The following BTLA variants were observed in gnomAD, a reference collection of about 807,000 sequenced individuals.
The protein encoded by BTLA is B- and T-lymphocyte attenuator.
A neutral mutation model predicts 25.0 loss-of-function variants in BTLA; 11 were observed. The ratio of observed to expected loss-of-function variants is 0.44; its 90% CI spans 0.28 to 0.73. BTLA has a LOEUF of 0.73. Among genes scored for constraint, BTLA ranks in the 30% least tolerant of loss-of-function variants. The probability of loss-of-function intolerance (pLI) is 0.15; values close to 1 mark genes in which losing one functional copy is unlikely to be tolerated. For missense variants in BTLA, 282 were observed against 332.8 expected, an observed-to-expected ratio of 0.85 and a Z score of 1.19; for synonymous variants, 104 against 119.8, an observed-to-expected ratio of 0.87 and a Z score of 0.86.
chr3:112,466,330 G>C lies in BTLA; in HGVS notation c.648C>G (p.Ser216=). 1.2e-6 allele frequency: 2 copies of C among 1,613,344 alleles called. No homozygotes were observed. The highest frequency in any genetic ancestry group is 1.7e-6 in the Non-Finnish European group (2 of 1,179,638). Residue 216 remains serine (S), a synonymous_variant, in exon 5 of 5, where the codon TCC becomes TCG. Coordinates refer to ENST00000334529, the MANE Select transcript of BTLA (RefSeq NM_181780.4). The part of the protein sequence containing the change: ...EQTEASTRQN[S]QVLLSETGIY... ...TTCCAGTTTCTGATAGCAGTACTTGGGAATTTTGCCTGGTGCTTGCTTCTG... is the reference window on the plus strand; with the variant it reads ...TTCCAGTTTCTGATAGCAGTACTTGCGAATTTTGCCTGGTGCTTGCTTCTG...
chr3:112,464,113 A>G lies in BTLA; in HGVS notation c.*1995T>C, dbSNP rs1043552472. 8 of 397,920 alleles carry G rather than the reference A, an allele frequency of 2.0e-5. No homozygotes were observed. Among genetic ancestry groups the G allele is most frequent in the African/African-American group, 1.6e-4 (8 of 48,622 alleles). 24.6% of individuals were successfully genotyped at this position (397,920 alleles called of 1,614,324 possible). A position where few individuals can be genotyped will look rare whatever the true frequency, so the allele number is the denominator to read the frequency against. On this transcript the variant is annotated 3_prime_UTR_variant, in exon 5 of 5. Transcript: ENST00000334529. ...AAATAAGCCATGTAAATAATAGTGA[A>G]GTAGAGTCATTTGGGAAAATGCATG...
intron 2 of BTLA, among the ~76,000 whole-genome samples, chr3:112,473,493 T>C (rs1484700969): frequency 6.6e-6 from 1 of 152,092 alleles, no homozygotes; most frequent in Non-Finnish European, 1.5e-5. Context: ...AGAGGCACAT[T>C]CAGCAGGTGC....
chr3:112,471,428 T>G, intron 2 of BTLA, 73 bp from the exon 3 acceptor site: 1 of 1,470,048 alleles, frequency 6.8e-7, no homozygotes. Flanking sequence ...CCCCTCTGCA[T>G]TGTCAGAACT....
intron 1 of BTLA, among the ~76,000 whole-genome samples, chr3:112,487,090 G>C (rs527968688): frequency 6.6e-6 from 1 of 152,264 alleles, no homozygotes; most frequent in East Asian, 1.9e-4. Context: ...CTGTATAACT[G>C]GGAAGTTCTC....
At chr3:112,490,354 T>C (rs1421386933) in intron 1 of BTLA, among the ~76,000 whole-genome samples, 1 of 152,182 alleles carries the variant, frequency 6.6e-6, no homozygotes, top group Admixed American at 6.5e-5. Flanking sequence ...AAAGTGACTA[T>C]TGTTACTTTA....
At chr3:112,492,657 CCTTGA>C (rs2082386459) in intron 1 of BTLA, among the ~76,000 whole-genome samples, 2 of 152,106 alleles carry the variant, frequency 1.3e-5, no homozygotes, top group Non-Finnish European at 2.9e-5. Context: ...TTTTCAAAGC[CCTTGA>C]AGATACTAAA....
intron 1 of BTLA, among the ~76,000 whole-genome samples, chr3:112,488,439 G>C (rs1435018588): frequency 6.6e-6 from 1 of 152,056 alleles, no homozygotes; most frequent in African/African-American, 2.4e-5. Context: ...AACCAGGATG[G>C]TCTCGATCTC....
intron 4 of BTLA, among the ~76,000 whole-genome samples, chr3:112,466,817 AAAT>A (rs946111998): frequency 6.6e-6 from 1 of 152,240 alleles, no homozygotes; most frequent in African/African-American, 2.4e-5. Context: ...CAGAAACAAT[AAAT>A]ATTATGAGTT....
chr3:112,482,282 T>C (rs1410582082), intron 1 of BTLA, among the ~76,000 whole-genome samples: 2 of 152,350 alleles, frequency 1.3e-5, no homozygotes, highest in African/African-American at 2.4e-5. Flanking sequence ...TTCTTCTGAA[T>C]AGATGTACAG....
intron 2 of BTLA, among the ~76,000 whole-genome samples, 187 bp from the exon 3 acceptor site, chr3:112,471,542 G>A (rs1254526575): frequency 1.3e-5 from 2 of 152,168 alleles, no homozygotes; most frequent in Non-Finnish European, 2.9e-5. Flanking sequence ...CTGAGCAGAC[G>A]TGGCTCTGCG....
At chr3:112,498,327 A>C (rs1374722101) in intron 1 of BTLA, among the ~76,000 whole-genome samples, 2 of 151,590 alleles carry the variant, frequency 1.3e-5, no homozygotes, top group African/African-American at 2.4e-5. Context: ...GAATAAATTG[A>C]ACCCGGGAGG....
At chr3:112,469,564 A>T (rs947183369) in intron 4 of BTLA, among the ~76,000 whole-genome samples, 194 bp downstream of exon 4, 1 of 148,958 alleles carries the variant, frequency 6.7e-6, no homozygotes, top group Admixed American at 6.8e-5. Flanking sequence ...TTTGCTGCAT[A>T]GAGAGCAGAA....
intron 1 of BTLA, among the ~76,000 whole-genome samples, chr3:112,485,189 C>G (rs2633557): frequency 6.6e-6 from 1 of 151,568 alleles, no homozygotes; most frequent in Non-Finnish European, 1.5e-5. Context: ...GGATTACAGG[C>G]ACCCACAACC....
At chr3:112,485,727 A>G (rs2082343350) in intron 1 of BTLA, among the ~76,000 whole-genome samples, 1 of 152,024 alleles carries the variant, frequency 6.6e-6, no homozygotes, top group Non-Finnish European at 1.5e-5. Context: ...TCCTGCTCTT[A>G]TTATCTCTGC....
rs147178107 is a variant in BTLA, at chr3:112,483,796, C to T, written c.89-4027G>A. Among the ~76,000 whole-genome samples, 1,255 of 151,788 alleles carry T rather than the reference C, an allele frequency of 8.3e-3. 45 individuals are homozygous for T. Among genetic ancestry groups the T allele is most frequent in the East Asian group, 0.061 (310 of 5,102 alleles). On this transcript the variant is annotated intron_variant, in intron 1 of 4. Coordinates refer to ENST00000334529, the MANE Select transcript of BTLA (RefSeq NM_181780.4). The stretch of plus-strand genomic sequence containing the variant: ...CAGCCTGACCAACATGGTGAAACAC[C>T]GTCTTTACTAAAAATACAAAAATTA...
At chr3:112,491,757 G>A (rs140166519) in intron 1 of BTLA, among the ~76,000 whole-genome samples, 124 of 152,242 alleles carry the variant, frequency 8.1e-4, no homozygotes, top group African/African-American at 2.1e-3. Flanking sequence ...ATTGTCCAGA[G>A]GTGTAAAGCC....
chr3:112,479,924 A>T (rs1421313807), intron 1 of BTLA, among the ~76,000 whole-genome samples, 155 bp from the exon 2 acceptor site: 1 of 152,232 alleles, frequency 6.6e-6, no homozygotes, highest in Non-Finnish European at 1.5e-5. Flanking sequence ...TCTCATACAT[A>T]TTAGGCATAT....
intron 2 of BTLA, among the ~76,000 whole-genome samples, chr3:112,477,382 C>T (rs1576681667): frequency 6.6e-6 from 1 of 150,672 alleles, no homozygotes; most frequent in Non-Finnish European, 1.5e-5. Context: ...TCTAGTCATT[C>T]GATGGGTGTG....
intron 1 of BTLA, among the ~76,000 whole-genome samples, chr3:112,495,373 T>A (rs1456591065): frequency 2.0e-5 from 3 of 152,134 alleles, no homozygotes; most frequent in Non-Finnish European, 2.9e-5. Flanking sequence ...TACATAAAGA[T>A]GAAACTCACA....
Sources: allele counts gnomAD v4.1 joint callset (sites outside exome capture counted in the v4.1 genomes callset), GRCh38; gene constraint gnomAD v4.1.1; transcripts MANE v1.5; gene names NCBI Gene and HGNC (gene_info 2026-07-23, HGNC 2026-07-21).